YWHAZ: variants seen among roughly 807,000 people sequenced by gnomAD.
The protein encoded by YWHAZ is 14-3-3 protein zeta/delta.
For missense variants in YWHAZ, 79 were observed against 284.8 expected (o/e 0.28, Z 5.20); for synonymous variants, 87 against 103.6 (o/e 0.84, Z 0.97).
rs950107878 is a variant in YWHAZ at position 100,919,487 on chromosome 8, G to C, written c.*1206C>G. On this transcript the variant is annotated 3_prime_UTR_variant, in exon 6 of 6. Transcript: ENST00000395958. ...AATAGGAACTCATTTTTTTCAGGGT[G>C]GGGAGGAAGAGAGGGGATCATGGGA... is the stretch of plus-strand genomic sequence containing the variant. 2 of 152,286 alleles carry C rather than the reference G, an allele frequency of 1.3e-5. No homozygotes were observed. The highest frequency in any genetic ancestry group is 2.9e-5 in the Non-Finnish European group (2 of 68,014). 9.4% of individuals were successfully genotyped at this position (152,286 alleles called of 1,614,324 possible). A position where few individuals can be genotyped will look rare whatever the true frequency, so the allele number is the denominator to read the frequency against.
At chr8:100,950,828 G>C (rs1440471073) in intron 1 of YWHAZ, 1 of 164,456 alleles carries the variant, frequency 6.1e-6, no homozygotes, top group Non-Finnish European at 1.3e-5. Context: ...GCGTCTCTAA[G>C]GGACCGACAG....
At chr8:100,934,031 A>G (rs1813945828) in intron 2 of YWHAZ, among the ~76,000 whole-genome samples, 1 of 151,530 alleles carries the variant, frequency 6.6e-6, no homozygotes, top group South Asian at 2.1e-4. Flanking sequence ...GGTGGTGCAC[A>G]CCTGTAATCC....
chr8:100,947,119 T>C (rs1207256232), intron 2 of YWHAZ, among the ~76,000 whole-genome samples: 1 of 151,504 alleles, frequency 6.6e-6, no homozygotes, highest in Non-Finnish European at 1.5e-5. Flanking sequence ...CCGGGCGCAG[T>C]GGCAGGCGCC....
intron 1 of YWHAZ, among the ~76,000 whole-genome samples, chr8:100,950,741 C>G (rs552648830): frequency 1.6e-3 from 243 of 152,040 alleles, no homozygotes; most frequent in African/African-American, 5.6e-3. Context: ...GAACCACTAC[C>G]AGCCCCGCCG....
chr8:100,951,824 C>A (rs903156144), intron 1 of YWHAZ, 105 bp downstream of exon 1: 2 of 985,494 alleles, frequency 2.0e-6, no homozygotes, highest in East Asian at 1.1e-4. Context: ...GCGCCGCCAC[C>A]GCGGGGCGAG....
chr8:100,938,159 A>G (rs1563681460), intron 2 of YWHAZ, among the ~76,000 whole-genome samples: 1 of 152,172 alleles, frequency 6.6e-6, no homozygotes, highest in Non-Finnish European at 1.5e-5. Flanking sequence ...ACTGTTTTCA[A>G]TAAAATTAAA....
chr8:100,920,911 T>C (rs1812979314), intron 5 of YWHAZ, among the ~76,000 whole-genome samples, 159 bp from the exon 6 acceptor site: 1 of 150,908 alleles, frequency 6.6e-6, no homozygotes, highest in African/African-American at 2.4e-5. Flanking sequence ...CATCTCAATA[T>C]ACAAATTTAC....
chr8:100,935,713 AG>A (rs1030065859), intron 2 of YWHAZ, among the ~76,000 whole-genome samples: 4 of 152,188 alleles, frequency 2.6e-5, no homozygotes, highest in African/African-American at 9.7e-5. Context: ...TGCAAGGCAG[AG>A]TAAACTTGTT....
intron 2 of YWHAZ, among the ~76,000 whole-genome samples, chr8:100,945,738 CTA>C (rs1269492305): frequency 1.3e-5 from 2 of 151,960 alleles, no homozygotes; most frequent in Admixed American, 1.3e-4. Context: ...TCGATGTGAC[CTA>C]TTTGAAAAAG....
intron 2 of YWHAZ, among the ~76,000 whole-genome samples, chr8:100,943,769 G>T (rs56304871): frequency 2.0e-5 from 3 of 151,996 alleles, no homozygotes; most frequent in African/African-American, 7.3e-5. Context: ...GGTGGATCAC[G>T]AGGTCAGGAG....
At chr8:100,940,316 C>CTT (rs1809731097) in intron 2 of YWHAZ, among the ~76,000 whole-genome samples, 1 of 152,000 alleles carries the variant, frequency 6.6e-6, no homozygotes, top group South Asian at 2.1e-4. Flanking sequence ...TTTCATAGGG[C>CTT]TTTTTAGCTT....
At chr8:100,932,427 T>A (rs1367554537) in intron 2 of YWHAZ, among the ~76,000 whole-genome samples, 2 of 152,184 alleles carry the variant, frequency 1.3e-5, no homozygotes, top group Admixed American at 1.3e-4. Flanking sequence ...TATAAATAGG[T>A]ACATTTTCTA....
upstream of YWHAZ, chr8:100,952,216 A>G (rs1810847811): frequency 3.1e-6 from 3 of 956,502 alleles, no homozygotes; most frequent in Middle Eastern, 5.3e-4. Flanking sequence ...CCCGCGCTGG[A>G]GGGCGAGCGG....
chr8:100,938,845 G>C (rs1256973032), intron 2 of YWHAZ, among the ~76,000 whole-genome samples: 1 of 152,206 alleles, frequency 6.6e-6, no homozygotes, highest in Non-Finnish European at 1.5e-5. Flanking sequence ...AAATGCTAAT[G>C]ATTAGGAGGT....
intron 2 of YWHAZ, among the ~76,000 whole-genome samples, chr8:100,929,668 G>T (rs1473085441): frequency 1.3e-5 from 2 of 150,622 alleles, no homozygotes; most frequent in Non-Finnish European, 2.9e-5. Context: ...AATTCTAAGG[G>T]AAGTCAGAGT....
intron 2 of YWHAZ, among the ~76,000 whole-genome samples, chr8:100,929,787 A>G (rs918021063): frequency 6.6e-6 from 1 of 152,200 alleles, no homozygotes; most frequent in Admixed American, 6.5e-5. Context: ...AAGCCAGAAG[A>G]TAAAACCCAA....
rs900158178 is a variant in YWHAZ, at chr8:100,948,018, A to C, written c.294+578T>G. 1 of 1,309,780 alleles carries C rather than the reference A, an allele frequency of 7.6e-7. No homozygotes were observed. Among genetic ancestry groups the C allele is most frequent in the South Asian group, 1.3e-5 (1 of 74,832 alleles). 81.1% of individuals were successfully genotyped at this position (1,309,780 alleles called of 1,614,324 possible). A position where few individuals can be genotyped will look rare whatever the true frequency, so the allele number is the denominator to read the frequency against. On this transcript the variant is annotated intron_variant, in intron 2 of 5. Coordinates refer to ENST00000395958, the MANE Select transcript of YWHAZ (RefSeq NM_145690.3). This position sits in a 1 kb window ranked among gnomAD's most constrained non-coding sequence, Gnocchi z 4.2. Reference sequence around the variant, plus strand: ...ACTTAAAATACTCGATTCAAACTGGAAAATCAAGCTTGAGTTGTTCATAAC... The same window carrying C: ...ACTTAAAATACTCGATTCAAACTGGCAAATCAAGCTTGAGTTGTTCATAAC...
At chr8:100,949,945 G>A (rs1308370981) in intron 1 of YWHAZ, among the ~76,000 whole-genome samples, 1 of 152,182 alleles carries the variant, frequency 6.6e-6, no homozygotes, top group Non-Finnish European at 1.5e-5. Flanking sequence ...AATGACTTCA[G>A]AGGAAAATAC....
At chr8:100,945,803 A>C (rs1311456090) in intron 2 of YWHAZ, among the ~76,000 whole-genome samples, 1 of 152,108 alleles carries the variant, frequency 6.6e-6, no homozygotes, top group African/African-American at 2.4e-5. Flanking sequence ...TCCCAAGCAG[A>C]AAAAGAAAAA....
Sources: gnomAD v4.1 joint callset for allele counts (sites outside exome capture counted in the v4.1 genomes callset) on GRCh38, gnomAD v4.1.1 for gene constraint, Gnocchi (gnomAD v3.1) non-coding constraint, MANE v1.5 for transcripts, NCBI Gene and HGNC (gene_info 2026-07-23, HGNC 2026-07-21) for gene names.